The following PDE4D variants were observed in gnomAD, a reference collection of about 807,000 sequenced individuals.
PDE4D encodes the protein phosphodiesterase 4D.
Under a neutral mutation model 87.4 loss-of-function variants are expected in PDE4D, and 24 were observed. That is an observed-to-expected ratio of 0.27 (90% CI 0.20 to 0.39). The LOEUF is 0.39. Ranked by LOEUF, PDE4D falls within the 10% of genes least tolerant of loss-of-function variation. PDE4D has a pLI of 1.00. For synonymous variants in PDE4D, 384 were observed against 383.2 expected, an observed-to-expected ratio of 1.00 and a Z score of -0.02; for missense variants, 714 against 1,041.0, an observed-to-expected ratio of 0.69 and a Z score of 4.32.
chr5:59,458,210 T>A (rs960612193), intron 1 of PDE4D, among the ~76,000 whole-genome samples: 4 of 152,252 alleles, frequency 2.6e-5, no homozygotes, highest in South Asian at 2.1e-4. Flanking sequence ...ATGTAATAAA[T>A]TTGATAAACC....
chr5:59,811,337 G>A (rs1049478454), intron 1 of PDE4D, among the ~76,000 whole-genome samples: 1 of 152,180 alleles, frequency 6.6e-6, no homozygotes, highest in Non-Finnish European at 1.5e-5. Flanking sequence ...TCCCACCTCT[G>A]TTCAATTGAT....
chr5:60,426,087 G>A (rs1743687077), intron 1 of PDE4D, among the ~76,000 whole-genome samples: 1 of 152,174 alleles, frequency 6.6e-6, no homozygotes, highest in East Asian at 1.9e-4. Flanking sequence ...CTTGGTGGGA[G>A]TGTAAATTAG....
At chr5:59,562,717 T>G (rs1430238296) in intron 1 of PDE4D, among the ~76,000 whole-genome samples, 1 of 152,250 alleles carries the variant, frequency 6.6e-6, no homozygotes, top group African/African-American at 2.4e-5. Flanking sequence ...GAGTTTGTTT[T>G]TAAGCAAAAC....
chr5:59,060,127 C>A (rs1043461216), intron 5 of PDE4D, among the ~76,000 whole-genome samples: 2 of 152,100 alleles, frequency 1.3e-5, no homozygotes, highest in African/African-American at 4.8e-5. Flanking sequence ...TTATTGTTTT[C>A]TCTTTCCTAC....
intron 1 of PDE4D, among the ~76,000 whole-genome samples, chr5:60,379,025 T>C (rs1365908731): frequency 6.6e-6 from 1 of 152,098 alleles, no homozygotes; most frequent in African/African-American, 2.4e-5. Context: ...CAGGCAGCAA[T>C]AAAGGTCCTA....
chr5:60,457,907 A>C (rs1350746320), intron 1 of PDE4D, among the ~76,000 whole-genome samples: 1 of 152,198 alleles, frequency 6.6e-6, no homozygotes, highest in African/African-American at 2.4e-5. Context: ...ATTTCTCTGA[A>C]CAAGATCCGA....
chr5:60,520,477 T>C (rs3846459), intron 1 of PDE4D, among the ~76,000 whole-genome samples: 13,113 of 152,256 alleles, frequency 0.086, 1,630 homozygotes, highest in African/African-American at 0.28. Context: ...TGGCCATGCC[T>C]GTGTTTGTCA....
At chr5:59,121,786 T>A (rs1334902447) in intron 5 of PDE4D, among the ~76,000 whole-genome samples, 1 of 152,112 alleles carries the variant, frequency 6.6e-6, no homozygotes, top group Non-Finnish European at 1.5e-5. Flanking sequence ...ATTGCAGCAC[T>A]ATACAGAATA....
intron 1 of PDE4D, among the ~76,000 whole-genome samples, chr5:59,464,909 T>G (rs1375850124): frequency 6.6e-6 from 1 of 152,200 alleles, no homozygotes; most frequent in African/African-American, 2.4e-5. Context: ...CTTTTCAAAA[T>G]ACAAATTTGA....
intron 2 of PDE4D, among the ~76,000 whole-genome samples, chr5:60,002,571 T>C (rs952570424): frequency 2.6e-5 from 4 of 152,148 alleles, no homozygotes; most frequent in Non-Finnish European, 4.4e-5. Context: ...TAATTCACCA[T>C]GATTAAGTGG....
chr5:59,003,187 CA>C (rs1251777022), intron 6 of PDE4D, among the ~76,000 whole-genome samples: 1 of 152,182 alleles, frequency 6.6e-6, no homozygotes, highest in Non-Finnish European at 1.5e-5. Context: ...CAATTTTCCT[CA>C]AATCCAGCCG....
At chr5:60,405,989 T>G (rs934123725) in intron 1 of PDE4D, among the ~76,000 whole-genome samples, 10 of 152,086 alleles carry the variant, frequency 6.6e-5, no homozygotes, top group African/African-American at 2.4e-4. Context: ...GGGCTCTGGG[T>G]GGCTCTCTGT....
At chr5:59,356,718 TA>T (rs748305551) in intron 1 of PDE4D, 2 of 1,542,238 alleles carry the variant, frequency 1.3e-6, no homozygotes, top group African/African-American at 2.8e-5. Flanking sequence ...CTAAGGCAGT[TA>T]AACAATTCTT....
intron 1 of PDE4D, among the ~76,000 whole-genome samples, chr5:59,658,893 T>C (rs552626060): frequency 6.6e-6 from 1 of 152,242 alleles, no homozygotes; most frequent in South Asian, 2.1e-4. Context: ...ATGCCAATGC[T>C]TTAGGAGGCT....
chr5:60,043,422 T>G (rs1768761123), intron 2 of PDE4D, among the ~76,000 whole-genome samples: 3 of 152,014 alleles, frequency 2.0e-5, no homozygotes, highest in Admixed American at 1.3e-4. Flanking sequence ...CAGGCCAACA[T>G]TCAAATTCAG....
At chr5:59,862,451 G>A (rs1050892424) in intron 1 of PDE4D, among the ~76,000 whole-genome samples, 13 of 152,064 alleles carry the variant, frequency 8.5e-5, no homozygotes, top group East Asian at 1.9e-4. Flanking sequence ...GTGGGTGTGC[G>A]AACTCACACA....
chr5:59,000,890 T>C (rs1031884926), intron 6 of PDE4D, among the ~76,000 whole-genome samples: 2 of 152,032 alleles, frequency 1.3e-5, no homozygotes, highest in Admixed American at 1.3e-4. Flanking sequence ...GATTTCACCA[T>C]GTTGGCCAGG....
In PDE4D at chr5:59,021,566, C is replaced by T. The variant is rs60741550; in HGVS notation, c.921+17293G>A. On this transcript the variant is annotated intron_variant, in intron 6 of 14. Transcript: ENST00000340635. ...GTACCTATCATATGTCCCCACCACA[C>T]TACATAATTTATGTAAGTTTTCACT... Among the ~76,000 whole-genome samples the T allele has an allele frequency of 2.6e-3, 389 of 152,316 alleles. 6 individuals carry two copies. In the East Asian group the frequency reaches 0.047, roughly 19 times the overall value.
At chr5:59,258,147 T>C (rs1761326706) in intron 1 of PDE4D, among the ~76,000 whole-genome samples, 1 of 152,034 alleles carries the variant, frequency 6.6e-6, no homozygotes, top group Non-Finnish European at 1.5e-5. Flanking sequence ...TCAAGACCTT[T>C]GTACCTGCTA....
Sources: gnomAD v4.1 joint callset for allele counts (sites outside exome capture counted in the v4.1 genomes callset) on GRCh38, gnomAD v4.1.1 for gene constraint, MANE v1.5 for transcripts, NCBI Gene and HGNC (gene_info 2026-07-23, HGNC 2026-07-21) for gene names.